The following KBTBD2 variants were observed in gnomAD, a reference collection of about 807,000 sequenced individuals.
KBTBD2 encodes the protein kelch repeat and BTB domain-containing protein 2.
Under a neutral mutation model 57.1 loss-of-function variants are expected in KBTBD2, and 17 were observed. That is an observed-to-expected ratio of 0.30 (90% CI 0.20 to 0.45). KBTBD2 has a LOEUF of 0.45. Among genes scored for constraint, KBTBD2 ranks in the 20% least tolerant of loss-of-function variants. KBTBD2 has a pLI of 1.00. For missense variants in KBTBD2, 515 were observed against 750.6 expected, an observed-to-expected ratio of 0.69 and a Z score of 3.67; for synonymous variants, 267 against 262.7, an observed-to-expected ratio of 1.02 and a Z score of -0.16.
chr7:32,890,686 A>G (rs377204320), intron 1 of KBTBD2, among the ~76,000 whole-genome samples: 1 of 152,206 alleles, frequency 6.6e-6, no homozygotes, highest in Non-Finnish European at 1.5e-5. Context: ...TAATTGACAC[A>G]GAAGATAGTT....
intron 1 of KBTBD2, among the ~76,000 whole-genome samples, chr7:32,887,200 A>C (rs1379964867): frequency 2.0e-5 from 3 of 152,242 alleles, no homozygotes; most frequent in African/African-American, 7.2e-5. Context: ...GCTGTGGATG[A>C]AAAAGGAAGA....
In KBTBD2 at chr7:32,869,649, G is replaced by A. The variant is rs200374061; in HGVS notation, c.1568C>T (p.Pro523Leu). 9.9e-5 allele frequency: 160 copies of A among 1,613,950 alleles called. No homozygotes were observed. The highest frequency in any genetic ancestry group is 1.8e-4 in the Admixed American group (11 of 59,992). Residue 523 changes from proline (P) to leucine (L), a missense_variant, in exon 4 of 4, where the codon CCC becomes CTC. Coordinates refer to ENST00000304056, the MANE Select transcript of KBTBD2 (RefSeq NM_015483.3). ...ANIPAKRYSDPCVRAVVISNS... is the reference protein window; with the variant it reads ...ANIPAKRYSDLCVRAVVISNS... ...TGAGATCACAACAGCTCTAACACAG[G>A]GGTCAGAGTACCTCTTAGCAGGGAT...
chr7:32,875,737 T>C (rs1319786864), intron 2 of KBTBD2, among the ~76,000 whole-genome samples: 2 of 152,218 alleles, frequency 1.3e-5, no homozygotes, highest in Non-Finnish European at 2.9e-5. Context: ...TATTAATATA[T>C]ACTTTAACAT....
intron 1 of KBTBD2, chr7:32,891,166 T>C (rs1368909257): frequency 6.6e-6 from 1 of 151,496 alleles, no homozygotes; most frequent in Non-Finnish European, 1.5e-5. Flanking sequence ...GGGAAACAGC[T>C]TTACTTCGGT....
intron 3 of KBTBD2, chr7:32,874,734 G>A (rs866527004): frequency 2.4e-4 from 72 of 303,452 alleles, no homozygotes; most frequent in Middle Eastern, 2.0e-3. Context: ...TGGCTCACGC[G>A]TGTAATCCCA....
In KBTBD2 at chr7:32,869,760, C is replaced by A; in HGVS notation, c.1457G>T (p.Arg486Ile). 1 of 1,614,042 alleles carries A rather than the reference C, an allele frequency of 6.2e-7. No individual in the cohort carries two copies. Among genetic ancestry groups the A allele is most frequent in the Non-Finnish European group, 8.5e-7 (1 of 1,180,012 alleles). Reference protein sequence around the residue: ...GLHIATNSGIRLPSGTVDGSS... With the variant: ...GLHIATNSGIILPSGTVDGSS... ...CCCATCTACAGTGCCAGAGGGGAGT[C>A]TTATGCCGGAATTGGTAGCAATATG... Residue 486 changes from arginine (R) to isoleucine (I), a missense_variant, in exon 4 of 4, where the codon AGA becomes ATA. Arg to Ile is a moderately conservative substitution (Grantham distance 97). Coordinates refer to ENST00000304056, the MANE Select transcript of KBTBD2 (RefSeq NM_015483.3).
At chr7:32,884,979 T>C (rs1266106895) in intron 1 of KBTBD2, among the ~76,000 whole-genome samples, 2 of 122,936 alleles carry the variant, frequency 1.6e-5, no homozygotes, top group African/African-American at 6.4e-5. Flanking sequence ...TGTGTGTGTA[T>C]ATATATATAT....
chr7:32,879,269 CTTCT>C (rs1455064879), intron 2 of KBTBD2, among the ~76,000 whole-genome samples, 162 bp downstream of exon 2: 3 of 152,178 alleles, frequency 2.0e-5, no homozygotes, highest in East Asian at 1.9e-4. Context: ...CTTTATAAAA[CTTCT>C]TTCATGTGTC....
At chr7:32,881,834 C>A (rs528386515) in intron 1 of KBTBD2, among the ~76,000 whole-genome samples, 1 of 152,256 alleles carries the variant, frequency 6.6e-6, no homozygotes, top group East Asian at 1.9e-4. Flanking sequence ...TTGATACATA[C>A]CCACAATCCC....
At chr7:32,875,661 T>C (rs1334677637) in intron 2 of KBTBD2, among the ~76,000 whole-genome samples, 2 of 152,156 alleles carry the variant, frequency 1.3e-5, no homozygotes, top group African/African-American at 4.8e-5. Flanking sequence ...AGTGAAAATC[T>C]CAAAATTCTA....
At position 32,879,632 on chromosome 7, in the gene KBTBD2, A is replaced by T; in HGVS notation, c.-28T>A. 1 of 1,597,906 alleles carries T rather than the reference A, an allele frequency of 6.3e-7. No individual in the cohort carries two copies. Among genetic ancestry groups the T allele is most frequent in the Non-Finnish European group, 8.6e-7 (1 of 1,169,548 alleles). On this transcript the variant is annotated 5_prime_UTR_variant, in exon 2 of 4. Coordinates refer to ENST00000304056, the MANE Select transcript of KBTBD2 (RefSeq NM_015483.3). Reference sequence around the variant, plus strand: ...CTGTATTCCATTAATATCTCCAGGAACAGATTAGAAAAGTCCGTCTTACTG... The same window carrying T: ...CTGTATTCCATTAATATCTCCAGGATCAGATTAGAAAAGTCCGTCTTACTG...
At chr7:32,881,964 A>G (rs147485507) in intron 1 of KBTBD2, among the ~76,000 whole-genome samples, 44 of 152,352 alleles carry the variant, frequency 2.9e-4, no homozygotes, top group African/African-American at 9.1e-4. Context: ...TCAGGTAGCA[A>G]TGGATAATCA....
chr7:32,882,032 A>G (rs537254323), intron 1 of KBTBD2, among the ~76,000 whole-genome samples: 1 of 152,178 alleles, frequency 6.6e-6, no homozygotes, highest in South Asian at 2.1e-4. Flanking sequence ...GACTATATAT[A>G]GCCTCACGTT....
chr7:32,875,347 C>A (rs1265985716), intron 2 of KBTBD2, among the ~76,000 whole-genome samples, 190 bp from the exon 3 acceptor site: 1 of 152,162 alleles, frequency 6.6e-6, no homozygotes, highest in East Asian at 1.9e-4. Context: ...TCATGGCTCA[C>A]CACAGCCTTG....
chr7:32,870,265 T>C lies in KBTBD2; in HGVS notation c.952A>G (p.Ile318Val). 2.5e-6 allele frequency: 4 copies of C among 1,614,194 alleles called. No homozygotes were observed. The highest frequency in any genetic ancestry group is 3.4e-6 in the Non-Finnish European group (4 of 1,180,028). Residue 318 changes from isoleucine to valine, a missense_variant, in exon 4 of 4, where the codon ATC (isoleucine) becomes GTC (valine). Coordinates refer to ENST00000304056, the MANE Select transcript of KBTBD2 (RefSeq NM_015483.3). ...GGAACTTGACCCCCTGCTATGTAGA[T>C]ATCATTATCAGGAGTTACAACGGTC... ...VGTVVTPDND[I>V]YIAGGQVPLK...
intron 1 of KBTBD2, among the ~76,000 whole-genome samples, chr7:32,885,775 A>C (rs1487098311): frequency 2.6e-5 from 4 of 152,196 alleles, no homozygotes; most frequent in Non-Finnish European, 5.9e-5. Context: ...AAAAGTGTAC[A>C]TATTCTTACT....
intron 1 of KBTBD2, among the ~76,000 whole-genome samples, chr7:32,882,167 T>A (rs552986358): frequency 1.3e-5 from 2 of 152,310 alleles, no homozygotes; most frequent in African/African-American, 4.8e-5. Context: ...AATACCAATC[T>A]ACTAATCCTA....
At chr7:32,872,253 A>G (rs900249484) in intron 3 of KBTBD2, among the ~76,000 whole-genome samples, 1 of 152,106 alleles carries the variant, frequency 6.6e-6, no homozygotes, top group Non-Finnish European at 1.5e-5. Flanking sequence ...CAAACTATAT[A>G]AAGACAGTGC....
chr7:32,883,563 A>C (rs1215923095), intron 1 of KBTBD2, among the ~76,000 whole-genome samples: 1 of 152,136 alleles, frequency 6.6e-6, no homozygotes, highest in Admixed American at 6.5e-5. Context: ...TTACCAACTG[A>C]TGTGACGTAT....
Sources: gnomAD v4.1 joint callset for allele counts (sites outside exome capture counted in the v4.1 genomes callset) on GRCh38, gnomAD v4.1.1 for gene constraint, MANE v1.5 for transcripts, NCBI Gene and HGNC (gene_info 2026-07-23, HGNC 2026-07-21) for gene names.